Variants in TMEM117 observed in about 807,000 individuals in gnomAD.
TMEM117 encodes the protein transmembrane protein 117.
In TMEM117, 27 loss-of-function variants were observed where a neutral mutation model predicts 52.4. That is an observed-to-expected ratio of 0.51 (90% confidence interval 0.38 to 0.71). The LOEUF (loss-of-function observed/expected upper bound fraction) is 0.71. Ranked by LOEUF, TMEM117 falls within the 30% of genes least tolerant of loss-of-function variation. The pLI is 0.00. For synonymous variants in TMEM117, 215 were observed against 206.3 expected, an observed-to-expected ratio of 1.04 and a Z score of -0.36; for missense variants, 556 against 630.5, an observed-to-expected ratio of 0.88 and a Z score of 1.26.
intron 3 of TMEM117, among the ~76,000 whole-genome samples, chr12:44,078,936 C>T (rs1947431280): frequency 1.4e-5 from 2 of 141,524 alleles, no homozygotes; most frequent in African/African-American, 5.2e-5. Flanking sequence ...TTGTTCAACT[C>T]CCACTTATAA....
intron 4 of TMEM117, among the ~76,000 whole-genome samples, chr12:44,173,231 A>G (rs1314883327): frequency 2.0e-5 from 3 of 152,232 alleles, no homozygotes; most frequent in African/African-American, 7.2e-5. Context: ...GTGTGCCAGC[A>G]TGCCTGGCTA....
intron 6 of TMEM117, among the ~76,000 whole-genome samples, chr12:44,341,911 C>T (rs778066351): frequency 1.3e-5 from 2 of 152,048 alleles, no homozygotes; most frequent in Non-Finnish European, 1.5e-5. Context: ...CAGAGGCTGA[C>T]GTGGCAAGTG....
At chr12:44,352,770 C>G (rs1319320860) in intron 6 of TMEM117, among the ~76,000 whole-genome samples, 2 of 152,074 alleles carry the variant, frequency 1.3e-5, no homozygotes, top group African/African-American at 4.8e-5. Context: ...GTTCATGTGT[C>G]TTTATAGCAG....
At chr12:43,997,558 T>TTAGAATTAGA (rs1946051551) in intron 3 of TMEM117, among the ~76,000 whole-genome samples, 1 of 152,222 alleles carries the variant, frequency 6.6e-6, no homozygotes, top group Admixed American at 6.5e-5. Flanking sequence ...CCTCCAATTC[T>TTAGAATTAGA]ATTCCCCTTA....
At chr12:44,017,563 G>GT (rs1193385594) in intron 3 of TMEM117, among the ~76,000 whole-genome samples, 1 of 151,962 alleles carries the variant, frequency 6.6e-6, no homozygotes, top group Non-Finnish European at 1.5e-5. Context: ...ACTTAGAGGG[G>GT]TTTTTAGTTG....
intron 2 of TMEM117, among the ~76,000 whole-genome samples, chr12:43,931,285 A>G (rs778612130): frequency 6.6e-6 from 1 of 152,206 alleles, no homozygotes; most frequent in Non-Finnish European, 1.5e-5. Context: ...AGTAGCATCA[A>G]ACTATTTCCA....
intron 3 of TMEM117, among the ~76,000 whole-genome samples, chr12:44,063,885 G>A (rs998187621): frequency 1.3e-5 from 2 of 152,130 alleles, no homozygotes; most frequent in Non-Finnish European, 2.9e-5. Context: ...ACCAGCGAAG[G>A]AGCTGTAAAT....
intron 5 of TMEM117, among the ~76,000 whole-genome samples, chr12:44,252,195 C>T (rs924860372): frequency 7.2e-5 from 11 of 152,120 alleles, no homozygotes; most frequent in Non-Finnish European, 1.5e-4. Flanking sequence ...ACCTATTAAA[C>T]TTTATCCATA....
At chr12:44,092,014 G>T (rs1328762560) in intron 3 of TMEM117, among the ~76,000 whole-genome samples, 1 of 152,074 alleles carries the variant, frequency 6.6e-6, no homozygotes, top group Admixed American at 6.6e-5. Context: ...GATGAGGGGG[G>T]AAAAAAGTAT....
chr12:44,211,519 A>C (rs1949645192), intron 5 of TMEM117, 132 bp downstream of exon 5: 2 of 589,948 alleles, frequency 3.4e-6, no homozygotes, highest in Admixed American at 7.0e-5. Flanking sequence ...TGCTCCATTA[A>C]AACCATTATC....
At chr12:44,331,207 C>G (rs1297548494) in intron 6 of TMEM117, among the ~76,000 whole-genome samples, 1 of 150,378 alleles carries the variant, frequency 6.6e-6, no homozygotes, top group African/African-American at 2.4e-5. Flanking sequence ...ATCTTTTTTT[C>G]TCTTTTTTTT....
At chr12:44,180,866 C>T (rs1333219924) in intron 4 of TMEM117, among the ~76,000 whole-genome samples, 14 of 151,554 alleles carry the variant, frequency 9.2e-5, no homozygotes, top group Admixed American at 9.2e-4. Context: ...GGGTATATAC[C>T]CAGTAATGGG....
chr12:44,156,005 G>C (rs1232087233), intron 4 of TMEM117, among the ~76,000 whole-genome samples: 1 of 151,978 alleles, frequency 6.6e-6, no homozygotes, highest in African/African-American at 2.4e-5. Context: ...AAATTCAGGG[G>C]GGACAAGGAC....
At position 44,093,291 on chromosome 12, in the gene TMEM117, C is replaced by G. The variant is rs1000465088; in HGVS notation, c.411-50234C>G. Among the ~76,000 whole-genome samples, 4 of 151,956 alleles carry G rather than the reference C, an allele frequency of 2.6e-5. No individual in the cohort carries two copies. In the South Asian group the frequency reaches 6.2e-4, roughly 24 times the overall value. On this transcript the variant is annotated intron_variant, in intron 3 of 7. Transcript: ENST00000266534. ...GCTCCCCAGAGTATAAAGCTAAAGA[C>G]TTTGTCTCTCTAACTTTGTTATTTC... is the stretch of plus-strand genomic sequence containing the variant.
At chr12:44,118,058 A>G (rs1304951733) in intron 3 of TMEM117, among the ~76,000 whole-genome samples, 2 of 151,964 alleles carry the variant, frequency 1.3e-5, no homozygotes, top group Non-Finnish European at 2.9e-5. Flanking sequence ...ACACGTACAG[A>G]GAATATATTG....
intron 6 of TMEM117, 24 bp downstream of exon 6, chr12:44,299,763 G>A (rs752612429): frequency 1.1e-5 from 18 of 1,612,906 alleles, no homozygotes; most frequent in Admixed American, 1.7e-5. Context: ...CCTCCCCTCA[G>A]TGAAGCTGCT....
At chr12:44,230,865 G>A (rs2138451193) in intron 5 of TMEM117, among the ~76,000 whole-genome samples, 1 of 151,888 alleles carries the variant, frequency 6.6e-6, no homozygotes, top group Middle Eastern at 3.4e-3. Flanking sequence ...ATTGTCACTT[G>A]CCTTTGGTTC....
chr12:44,334,134 T>C (rs187414796), intron 6 of TMEM117, among the ~76,000 whole-genome samples: 2 of 152,100 alleles, frequency 1.3e-5, no homozygotes, highest in Admixed American at 6.6e-5. Context: ...TCTCTTTTGA[T>C]GACAAACTTT....
At chr12:44,370,505 C>CTTTTTTTTTTTTT (rs947989035) in intron 6 of TMEM117, among the ~76,000 whole-genome samples, 3 of 120,426 alleles carry the variant, frequency 2.5e-5, no homozygotes, top group African/African-American at 1.0e-4. Flanking sequence ...CACAGAGATT[C>CTTTTTTTTTTTTT]TTTTTTTTTT....
Sources: allele counts gnomAD v4.1 joint callset (sites outside exome capture counted in the v4.1 genomes callset), GRCh38; gene constraint gnomAD v4.1.1; transcripts MANE v1.5; gene names NCBI Gene and HGNC (gene_info 2026-07-23, HGNC 2026-07-21).